Variants in NAALADL2 observed in about 807,000 individuals in gnomAD.
NAALADL2 encodes inactive N-acetylated-alpha-linked acidic dipeptidase-like protein 2.
NAALADL2 carries 76 observed loss-of-function variants against 87.2 expected under a neutral mutation model. The ratio of observed to expected loss-of-function variants is 0.87; its 90% confidence interval spans 0.72 to 1.05. NAALADL2 has a LOEUF of 1.05. Ranked by LOEUF, NAALADL2 falls within the 50% of genes least tolerant of loss-of-function variation. NAALADL2 has a pLI of 0.00. For synonymous variants in NAALADL2, 354 were observed against 331.0 expected, an observed-to-expected ratio of 1.07 and a Z score of -0.75; for missense variants, 1,089 against 945.8, an observed-to-expected ratio of 1.15 and a Z score of -1.99.
chr3:174,765,881 A>C (rs891437529), intron 3 of NAALADL2, among the ~76,000 whole-genome samples: 1 of 152,228 alleles, frequency 6.6e-6, no homozygotes, highest in Non-Finnish European at 1.5e-5. Context: ...ATAGAGGAGC[A>C]AGAAAGTCCA....
intron 1 of NAALADL2, among the ~76,000 whole-genome samples, chr3:174,538,263 T>C (rs1343305978): frequency 1.3e-5 from 2 of 152,132 alleles, no homozygotes; most frequent in African/African-American, 4.8e-5. Flanking sequence ...GGGCCCCTCC[T>C]GTTGGCCCAC....
Position 175,270,848 on chromosome 3 carries a change from TCAA to T in NAALADL2, c.939+14322_939+14324del, listed in dbSNP as rs1752731542. On this transcript the variant is annotated intron_variant, in intron 4 of 13. Transcript: ENST00000454872. ...GTATAGTACTGATTTTACTGTGCTG[TCAA>T]CAAAATCCTCACAAAAAGAAATAGT... Among the ~76,000 whole-genome samples, 3 of 152,130 alleles carry T rather than the reference TCAA, an allele frequency of 2.0e-5. No homozygotes were observed. In the South Asian group the frequency reaches 6.2e-4, roughly 31 times the overall value.
At chr3:175,766,169 T>C (rs1319314310) in intron 13 of NAALADL2, among the ~76,000 whole-genome samples, 2 of 152,178 alleles carry the variant, frequency 1.3e-5, no homozygotes, top group African/African-American at 2.4e-5. Context: ...ATAAGAGATA[T>C]GCCTTATTGT....
chr3:174,823,266 C>A (rs1285869397), intron 3 of NAALADL2, among the ~76,000 whole-genome samples: 2 of 151,276 alleles, frequency 1.3e-5, no homozygotes, highest in Non-Finnish European at 2.9e-5. Context: ...AAAGACAGAA[C>A]AAATACAGCT....
At chr3:175,286,452 A>G (rs1233995465) in intron 4 of NAALADL2, among the ~76,000 whole-genome samples, 1 of 152,166 alleles carries the variant, frequency 6.6e-6, no homozygotes, top group African/African-American at 2.4e-5. Flanking sequence ...AGAAAGTGAG[A>G]AAGGATTTTA....
intron 1 of NAALADL2, among the ~76,000 whole-genome samples, chr3:174,931,146 A>G (rs1034291795): frequency 1.3e-5 from 2 of 152,182 alleles, no homozygotes; most frequent in Admixed American, 6.5e-5. Context: ...TTTATTGACT[A>G]TAAAGCCATG....
intron 2 of NAALADL2, among the ~76,000 whole-genome samples, chr3:175,124,900 G>C (rs1362183574): frequency 6.6e-6 from 1 of 151,976 alleles, no homozygotes; most frequent in Non-Finnish European, 1.5e-5. Flanking sequence ...AATGGGGATA[G>C]ACAATATATT....
intron 1 of NAALADL2, among the ~76,000 whole-genome samples, chr3:175,038,100 G>GT (rs975936495): frequency 1.1e-4 from 17 of 152,074 alleles, no homozygotes; most frequent in Admixed American, 5.2e-4. Flanking sequence ...GAGCCTAGAT[G>GT]TTTTTTTCTT....
At chr3:175,006,653 A>C (rs1311231959) in intron 1 of NAALADL2, among the ~76,000 whole-genome samples, 1 of 151,642 alleles carries the variant, frequency 6.6e-6, no homozygotes, top group Non-Finnish European at 1.5e-5. Context: ...AAGCAGAAAA[A>C]AAAAATTGTT....
intron 13 of NAALADL2, among the ~76,000 whole-genome samples, chr3:175,798,941 G>T (rs1753811393): frequency 6.6e-6 from 1 of 151,938 alleles, no homozygotes; most frequent in Admixed American, 6.6e-5. Flanking sequence ...ATGCCATTGG[G>T]TTTTGCAGAT....
At chr3:174,497,069 T>C (rs998469829) in intron 1 of NAALADL2, among the ~76,000 whole-genome samples, 5 of 152,218 alleles carry the variant, frequency 3.3e-5, no homozygotes, top group Non-Finnish European at 7.3e-5. Flanking sequence ...TAGAGTCTTG[T>C]AGCATTTGCC....
chr3:175,339,802 G>A (rs930083625), intron 5 of NAALADL2, among the ~76,000 whole-genome samples: 1 of 152,008 alleles, frequency 6.6e-6, no homozygotes, highest in South Asian at 2.1e-4. Context: ...TAGACACTAT[G>A]TTCAGAGATA....
rs188382996 is a variant in NAALADL2, at chr3:174,827,455, A to G, written c.-9+89709A>G. Among the ~76,000 whole-genome samples the G allele has an allele frequency of 7.9e-5, 12 of 152,276 alleles. No individual in the cohort carries two copies. The East Asian group carries it at 2.1e-3, about 27-fold the overall frequency. ...TGGCCTCTCCCTCCATCTTCAAAAC[A>G]AACAACATCAGAGCAAGTCTGTTTC... On this transcript the variant is annotated intron_variant, in intron 3 of 3. Transcript: ENST00000434257.
chr3:174,796,447 C>T (rs180790024), intron 3 of NAALADL2, among the ~76,000 whole-genome samples: 21 of 152,182 alleles, frequency 1.4e-4, no homozygotes, highest in Admixed American at 1.1e-3. Flanking sequence ...CATTATTTAG[C>T]TCCCACGTGT....
chr3:174,849,461 G>A (rs1724994272), intron 3 of NAALADL2, among the ~76,000 whole-genome samples: 1 of 151,836 alleles, frequency 6.6e-6, no homozygotes, highest in Non-Finnish European at 1.5e-5. Context: ...GATGCACTGG[G>A]CACGGTGACT....
chr3:175,574,584 T>C (rs1718581603), intron 9 of NAALADL2, among the ~76,000 whole-genome samples: 1 of 152,130 alleles, frequency 6.6e-6, no homozygotes, highest in Non-Finnish European at 1.5e-5. Flanking sequence ...CAGGAACTGT[T>C]CTGGCTCAGG....
At chr3:175,393,503 G>A (rs950184337) in intron 5 of NAALADL2, among the ~76,000 whole-genome samples, 4 of 151,636 alleles carry the variant, frequency 2.6e-5, no homozygotes, top group South Asian at 4.2e-4. Context: ...CTCAGTTTAT[G>A]AAGAACTACA....
chr3:175,465,220 C>G (rs1723799606), intron 7 of NAALADL2, among the ~76,000 whole-genome samples: 1 of 149,012 alleles, frequency 6.7e-6, no homozygotes, highest in African/African-American at 2.5e-5. Flanking sequence ...CCACTGCACT[C>G]CAGCCTGGGC....
At chr3:175,663,330 T>G (rs1732525412) in intron 11 of NAALADL2, among the ~76,000 whole-genome samples, 1 of 151,754 alleles carries the variant, frequency 6.6e-6, no homozygotes, top group Non-Finnish European at 1.5e-5. Context: ...CAATTTGTTG[T>G]CATATAATAG....
Sources: gnomAD v4.1 joint callset for allele counts (sites outside exome capture counted in the v4.1 genomes callset) on GRCh38, gnomAD v4.1.1 for gene constraint, MANE v1.5 for transcripts, NCBI Gene and HGNC (gene_info 2026-07-23, HGNC 2026-07-21) for gene names.